Variants in RAPGEF6 observed in about 807,000 individuals in gnomAD.
The protein encoded by RAPGEF6 is PDZ domain containing guanine nucleotide exchange factor (GEF) 2.
In RAPGEF6, 56 loss-of-function variants were observed where a neutral mutation model predicts 171.4. That is an observed-to-expected ratio of 0.33 (90% confidence interval 0.26 to 0.41). RAPGEF6 has a LOEUF of 0.41. Among genes scored for constraint, RAPGEF6 ranks in the 10% least tolerant of loss-of-function variants. The pLI, the probability that RAPGEF6 is intolerant of heterozygous loss-of-function variation, is 1.00. For synonymous variants in RAPGEF6, 692 were observed against 650.1 expected (o/e 1.06, Z -0.98); for missense variants, 1,674 against 1,921.4 (o/e 0.87, Z 2.41).
intron 6 of RAPGEF6, among the ~76,000 whole-genome samples, chr5:131,534,397 A>T (rs912184271): frequency 6.6e-6 from 1 of 152,176 alleles, no homozygotes; most frequent in Non-Finnish European, 1.5e-5. Context: ...AACAAAGACA[A>T]GTTATGCTTT....
chr5:131,442,354 G>A lies in RAPGEF6; in HGVS notation c.3605C>T (p.Ala1202Val). The A allele has an allele frequency of 6.2e-7, 1 of 1,613,390 alleles. No homozygotes were observed. Among genetic ancestry groups the A allele is most frequent in the Non-Finnish European group, 8.5e-7 (1 of 1,179,490 alleles). ...TATTAATGGTGAATACTCACTCAGT[G>A]CAGGGTCTTTTGTTTGTCCCTTCTT... ...IRKKGQTKDP[A>V]LNTSLPQKVL... The change falls in exon 23 of 28, where the codon GCA becomes GTA. Residue 1202 changes from alanine to valine, a missense_variant. Ala to Val is a moderately conservative substitution (Grantham distance 64, BLOSUM62 0). Coordinates refer to ENST00000509018, the MANE Select transcript of RAPGEF6 (RefSeq NM_016340.6).
At chr5:131,444,016 G>A (rs1752539662) in intron 22 of RAPGEF6, among the ~76,000 whole-genome samples, 1 of 152,168 alleles carries the variant, frequency 6.6e-6, no homozygotes, top group African/African-American at 2.4e-5. Context: ...AGTCCAAGGG[G>A]AAGACATTCT....
chr5:131,504,792 A>G lies in RAPGEF6; in HGVS notation c.1102-14T>C. On this transcript the variant is annotated splice_polypyrimidine_tract_variant and intron_variant, in intron 10 of 27. Transcript: ENST00000509018. The stretch of plus-strand genomic sequence containing the variant: ...TATGCAGACAAACTGTCCAAGAACA[A>G]CATGGGGACAGTTAATGAACCTATA... The G allele has an allele frequency of 6.2e-7, 1 of 1,604,496 alleles. No individual in the cohort carries two copies. The highest frequency in any genetic ancestry group is 8.5e-7 in the Non-Finnish European group (1 of 1,175,464).
intron 6 of RAPGEF6, among the ~76,000 whole-genome samples, chr5:131,535,475 A>C (rs1015148821): frequency 1.3e-5 from 2 of 152,290 alleles, no homozygotes; most frequent in Admixed American, 6.5e-5. Flanking sequence ...CAAATGAATT[A>C]AGTGCAGCAA....
chr5:131,430,904 G>T lies in RAPGEF6; in HGVS notation c.4420C>A (p.Pro1474Thr), dbSNP rs1289569271. The T allele has an allele frequency of 6.2e-7, 1 of 1,611,726 alleles. No homozygotes were observed. Among genetic ancestry groups the T allele is most frequent in the African/African-American group, 1.3e-5 (1 of 74,710 alleles). ...CTTGAAGTGACAGTTTTATAAACTG[G>T]GTCAGTGGCATCCTTGGGGTCCAAG... ...EGLDPKDATD[P>T]VYKTVTSSTE... is the part of the protein sequence containing the mutation. Residue 1474 changes from proline (P) to threonine (T), a missense_variant, in exon 26 of 28, where the codon CCA becomes ACA. Around this residue, in one of 3 missense-constraint regions of RAPGEF6, gnomAD observed 552 missense variants for 574.2 expected, o/e 0.96. Coordinates refer to ENST00000509018, the MANE Select transcript of RAPGEF6 (RefSeq NM_016340.6).
chr5:131,591,125 G>T (rs541718080), intron 4 of RAPGEF6, among the ~76,000 whole-genome samples: 3 of 152,212 alleles, frequency 2.0e-5, no homozygotes, highest in African/African-American at 7.2e-5. Flanking sequence ...CTTCTAAAAT[G>T]ATATTTAAAT....
chr5:131,604,352 CCA>C (rs1423692702), intron 2 of RAPGEF6, among the ~76,000 whole-genome samples: 1 of 152,034 alleles, frequency 6.6e-6, no homozygotes, highest in East Asian at 1.9e-4. Flanking sequence ...GAAGACAAAA[CCA>C]CAGTTAAAGG....
chr5:131,604,046 A>G (rs568887934), intron 2 of RAPGEF6, among the ~76,000 whole-genome samples: 49 of 152,072 alleles, frequency 3.2e-4, no homozygotes, highest in South Asian at 2.7e-3. Flanking sequence ...TAGCCAGCCC[A>G]TTTTTCAGAA....
intron 11 of RAPGEF6, among the ~76,000 whole-genome samples, chr5:131,503,675 GT>G (rs1757169054): frequency 6.6e-6 from 1 of 152,142 alleles, no homozygotes; most frequent in Non-Finnish European, 1.5e-5. Context: ...ACAGTTATGT[GT>G]TTATTTCCCC....
intron 11 of RAPGEF6, among the ~76,000 whole-genome samples, chr5:131,500,810 C>T (rs1756969862): frequency 6.6e-6 from 1 of 152,072 alleles, no homozygotes; most frequent in African/African-American, 2.4e-5. Context: ...ATAGCAGAAT[C>T]TAAGTATATA....
chr5:131,557,665 A>C (rs1761324298), intron 5 of RAPGEF6, among the ~76,000 whole-genome samples: 1 of 152,194 alleles, frequency 6.6e-6, no homozygotes, highest in Admixed American at 6.5e-5. Context: ...TGCAGGTAAC[A>C]ATTAGGTTAT....
intron 26 of RAPGEF6, among the ~76,000 whole-genome samples, chr5:131,429,748 A>C (rs1395688520): frequency 6.6e-6 from 1 of 152,154 alleles, no homozygotes; most frequent in Non-Finnish European, 1.5e-5. Flanking sequence ...CGGAGGAACT[A>C]ATTCCTTCAA....
intron 4 of RAPGEF6, among the ~76,000 whole-genome samples, chr5:131,565,606 A>G (rs1761883217): frequency 6.6e-6 from 1 of 152,224 alleles, no homozygotes; most frequent in Non-Finnish European, 1.5e-5. Flanking sequence ...CACACTATTA[A>G]AGCTAGAATA....
intron 18 of RAPGEF6, among the ~76,000 whole-genome samples, chr5:131,463,451 T>C (rs909271860): frequency 6.6e-6 from 1 of 151,900 alleles, no homozygotes; most frequent in Non-Finnish European, 1.5e-5. Context: ...TGGTGGCATG[T>C]GCCTGTAGTC....
intron 25 of RAPGEF6, 76 bp downstream of exon 25, chr5:131,433,354 G>A (rs1751824400): frequency 1.5e-6 from 2 of 1,328,776 alleles, no homozygotes; most frequent in Non-Finnish European, 1.1e-6. Flanking sequence ...GAGGTCCAAG[G>A]TCAAGGTGGG....
intron 25 of RAPGEF6, among the ~76,000 whole-genome samples, chr5:131,432,291 G>T (rs1279079654): frequency 6.6e-6 from 1 of 152,032 alleles, no homozygotes; most frequent in Non-Finnish European, 1.5e-5. Context: ...TACAGCCCAG[G>T]GCCAAATCTG....
intron 4 of RAPGEF6, among the ~76,000 whole-genome samples, chr5:131,572,848 G>A (rs897220982): frequency 2.0e-5 from 3 of 152,078 alleles, no homozygotes; most frequent in African/African-American, 4.8e-5. Flanking sequence ...AATACCACTT[G>A]GCCCCAATAC....
At position 131,429,107 on chromosome 5, in the gene RAPGEF6, T is replaced by C; in HGVS notation, c.4575A>G (p.Thr1525=). Residue 1525 remains threonine (T), a synonymous_variant, in exon 27 of 28, where the codon ACA becomes ACG. Coordinates refer to ENST00000509018, the MANE Select transcript of RAPGEF6 (RefSeq NM_016340.6). Reference sequence around the variant, plus strand: ...CACTATAATCTGGAGGTTTTAGGTGTGTGTGGGGTCCTTCCTTTAGGTCCG... The same window carrying C: ...CACTATAATCTGGAGGTTTTAGGTGCGTGTGGGGTCCTTCCTTTAGGTCCG... ...SLADLKEGPH[T]HLKPPDYSVA... 6.2e-7 allele frequency: 1 copy of C among 1,614,182 alleles called. No individual in the cohort carries two copies. Among genetic ancestry groups the C allele is most frequent in the Non-Finnish European group, 8.5e-7 (1 of 1,180,022 alleles).
intron 6 of RAPGEF6, among the ~76,000 whole-genome samples, chr5:131,542,481 A>G (rs899837950): frequency 6.6e-6 from 1 of 152,006 alleles, no homozygotes; most frequent in Non-Finnish European, 1.5e-5. Flanking sequence ...CAGAACAGGC[A>G]CTCTTATTTT....
Sources: gnomAD v4.1 joint callset for allele counts (sites outside exome capture counted in the v4.1 genomes callset) on GRCh38, gnomAD v4.1.1 for gene constraint, gnomAD v4.1.1 regional missense constraint, MANE v1.5 for transcripts, NCBI Gene and HGNC (gene_info 2026-07-23, HGNC 2026-07-21) for gene names.